The following PPP6R3 variants were observed in gnomAD, a reference collection of about 807,000 sequenced individuals.
PPP6R3 encodes serine/threonine-protein phosphatase 6 regulatory subunit 3.
In PPP6R3, 38 loss-of-function variants were observed where a neutral mutation model predicts 110.7. The observed-to-expected ratio is 0.34, with a 90% CI of 0.26 to 0.45. The LOEUF is 0.45. Among genes scored for constraint, PPP6R3 ranks in the 20% least tolerant of loss-of-function variants. The pLI, the probability that PPP6R3 is intolerant of heterozygous loss-of-function variation, is 1.00. For missense variants in PPP6R3, 870 were observed against 1,062.4 expected (o/e 0.82, Z 2.52); for synonymous variants, 369 against 373.5 (o/e 0.99, Z 0.14).
In PPP6R3 at chr11:68,600,506, T is replaced by G; in HGVS notation, c.2192+12T>G. On this transcript the variant is annotated intron_variant, in intron 20 of 23. Coordinates refer to ENST00000393800, the MANE Select transcript of PPP6R3 (RefSeq NM_001164161.2). ...ACGTCTTCCCTGAGGTGAGCGAACATGTGCTGTCTCTACACCCTTCCACGG... is the reference window on the plus strand; with the variant it reads ...ACGTCTTCCCTGAGGTGAGCGAACAGGTGCTGTCTCTACACCCTTCCACGG... The G allele has an allele frequency of 6.2e-7, 1 of 1,611,566 alleles. No individual in the cohort carries two copies. Among genetic ancestry groups the G allele is most frequent in the Non-Finnish European group, 8.5e-7 (1 of 1,179,138 alleles).
intron 17 of PPP6R3, among the ~76,000 whole-genome samples, chr11:68,591,238 AT>A (rs759118355): frequency 6.6e-6 from 1 of 152,186 alleles, no homozygotes; most frequent in Non-Finnish European, 1.5e-5. Flanking sequence ...GTAAAAGCAA[AT>A]AAGTACGGTT....
intron 8 of PPP6R3, among the ~76,000 whole-genome samples, chr11:68,561,056 C>T (rs1406199764): frequency 1.3e-5 from 2 of 152,026 alleles, no homozygotes; most frequent in Admixed American, 1.3e-4. Flanking sequence ...GCCACTACGC[C>T]CAGCTAACTT....
chr11:68,555,159 G>A (rs1161822158), intron 7 of PPP6R3, among the ~76,000 whole-genome samples: 1 of 152,176 alleles, frequency 6.6e-6, no homozygotes, highest in Non-Finnish European at 1.5e-5. Flanking sequence ...GTTCTCTGAA[G>A]TAGCAAAACT....
chr11:68,488,302 A>C (rs2098961270), intron 1 of PPP6R3, among the ~76,000 whole-genome samples: 1 of 152,056 alleles, frequency 6.6e-6, no homozygotes, highest in Non-Finnish European at 1.5e-5. Flanking sequence ...AGCTCAGTGT[A>C]ACCTCCAAGT....
intron 22 of PPP6R3, among the ~76,000 whole-genome samples, chr11:68,606,185 AAGTC>A (rs1479757293): frequency 1.3e-5 from 2 of 152,336 alleles, no homozygotes; most frequent in African/African-American, 2.4e-5. Flanking sequence ...GTTAGACAGA[AAGTC>A]AGTCATTTGA....
intron 1 of PPP6R3, among the ~76,000 whole-genome samples, chr11:68,485,933 G>A (rs1470049812): frequency 6.6e-6 from 1 of 151,788 alleles, no homozygotes; most frequent in East Asian, 1.9e-4. Flanking sequence ...ACTTTGGGAG[G>A]CCAAGGCAGA....
chr11:68,596,637 AG>A (rs2099614622), intron 19 of PPP6R3, among the ~76,000 whole-genome samples: 1 of 152,254 alleles, frequency 6.6e-6, no homozygotes, highest in East Asian at 1.9e-4. Flanking sequence ...CAAGCATTTC[AG>A]TGCGTTCTTC....
chr11:68,611,895 G>A (rs1943631523), intron 23 of PPP6R3, among the ~76,000 whole-genome samples: 1 of 152,212 alleles, frequency 6.6e-6, no homozygotes, highest in African/African-American at 2.4e-5. Context: ...TCCTTGGATT[G>A]GCAGGCGCGC....
At position 68,554,229 on chromosome 11, in the gene PPP6R3, C is replaced by T; in HGVS notation, c.703C>T (p.Pro235Ser). 1.2e-6 allele frequency: 2 copies of T among 1,612,960 alleles called. No homozygotes were observed. The highest frequency in any genetic ancestry group is 1.7e-6 in the Non-Finnish European group (2 of 1,179,404). Residue 235 changes from proline (P) to serine (S), a missense_variant, in exon 7 of 24, where the codon CCC becomes TCC. Coordinates refer to ENST00000393800, the MANE Select transcript of PPP6R3 (RefSeq NM_001164161.2). ...QMLQIQNSTE[P>S]DPLLATLEKQ... Reference sequence around the variant, plus strand: ...GTTACAAATTCAGAACAGTACAGAGCCCGACCCCCTGCTTGCCACTCTAGA... The same window carrying T: ...GTTACAAATTCAGAACAGTACAGAGTCCGACCCCCTGCTTGCCACTCTAGA...
At chr11:68,553,141 C>G (rs999316251) in intron 6 of PPP6R3, among the ~76,000 whole-genome samples, 1 of 152,264 alleles carries the variant, frequency 6.6e-6, no homozygotes, top group African/African-American at 2.4e-5. Context: ...GCACATTGCT[C>G]AGTCTTTGAG....
chr11:68,529,667 AG>A (rs1475844671), intron 2 of PPP6R3, among the ~76,000 whole-genome samples: 1 of 152,260 alleles, frequency 6.6e-6, no homozygotes. Context: ...TCTAGGTATT[AG>A]AGGCTACAAA....
At chr11:68,556,320 TTAAA>T (rs1253472476) in intron 7 of PPP6R3, among the ~76,000 whole-genome samples, 1 of 152,174 alleles carries the variant, frequency 6.6e-6, no homozygotes, top group African/African-American at 2.4e-5. Context: ...GACTGAAGTG[TTAAA>T]TAAAGAATGT....
intron 22 of PPP6R3, 163 bp from the exon 23 acceptor site, chr11:68,609,741 G>GT (rs1942389472): frequency 1.3e-6 from 2 of 1,555,908 alleles, no homozygotes; most frequent in East Asian, 2.2e-5. Flanking sequence ...CCCAGTCACT[G>GT]TCTGTGGTTG....
At chr11:68,462,169 C>G (rs2098712829) in intron 1 of PPP6R3, among the ~76,000 whole-genome samples, 1 of 152,110 alleles carries the variant, frequency 6.6e-6, no homozygotes, top group Non-Finnish European at 1.5e-5. Context: ...AGTGGTTAGG[C>G]TAGTTAATGG....
At chr11:68,605,712 G>A (rs1566175654) in intron 22 of PPP6R3, among the ~76,000 whole-genome samples, 3 of 152,136 alleles carry the variant, frequency 2.0e-5, no homozygotes. Flanking sequence ...CAGTAGCCAG[G>A]ATATTAGAAA....
chr11:68,525,302 T>C (rs556925347), intron 2 of PPP6R3, among the ~76,000 whole-genome samples: 3 of 152,356 alleles, frequency 2.0e-5, no homozygotes, highest in East Asian at 3.9e-4. Flanking sequence ...TTAAAAATTA[T>C]GTTTCCACCT....
intron 1 of PPP6R3, among the ~76,000 whole-genome samples, chr11:68,466,976 AGTG>A: frequency 6.7e-6 from 1 of 148,360 alleles, no homozygotes; most frequent in South Asian, 2.1e-4. Context: ...TCGATCTCTT[AGTG>A]AGCCGCCCGC....
Position 68,564,335 on chromosome 11 carries a change from G to A in PPP6R3, c.878G>A (p.Gly293Asp), listed in dbSNP as rs2099447094. ...FEGHIEICPPGMSHSACSVNK... is the reference protein window; with the variant it reads ...FEGHIEICPPDMSHSACSVNK... Reference sequence around the variant, plus strand: ...GGCCATATAGAGATCTGCCCACCAGGCATGAGCCATTCAGCTTGTTCAGTA... The same window carrying A: ...GGCCATATAGAGATCTGCCCACCAGACATGAGCCATTCAGCTTGTTCAGTA... Residue 293 changes from glycine to aspartate, a missense_variant, in exon 9 of 24, where the codon GGC (glycine) becomes GAC (aspartate). Coordinates refer to ENST00000393800, the MANE Select transcript of PPP6R3 (RefSeq NM_001164161.2). 1 of 1,612,794 alleles carries A rather than the reference G, an allele frequency of 6.2e-7. No individual in the cohort carries two copies. Among genetic ancestry groups the A allele is most frequent in the African/African-American group, 1.3e-5 (1 of 75,000 alleles).
chr11:68,596,173 A>C lies in PPP6R3; in HGVS notation c.1993A>C (p.Ser665Arg). The C allele has an allele frequency of 1.2e-6, 2 of 1,614,256 alleles. No individual in the cohort carries two copies. The highest frequency in any genetic ancestry group is 1.7e-6 in the Non-Finnish European group (2 of 1,180,036). Residue 665 changes from serine (S) to arginine (R), a missense_variant, in exon 19 of 24, where the codon AGC becomes CGC. By Grantham distance (110) the Ser-to-Arg change is moderately radical. Coordinates refer to ENST00000393800, the MANE Select transcript of PPP6R3 (RefSeq NM_001164161.2). ...AGCAAAGCAAGACTTGTTTGAACCC[A>C]GCAGTGCCAACACGGAGGATAAAAT... ...DGAKQDLFEP[S>R]SANTEDKMEV...
Sources: allele counts gnomAD v4.1 joint callset (sites outside exome capture counted in the v4.1 genomes callset), GRCh38; gene constraint gnomAD v4.1.1; transcripts MANE v1.5; gene names NCBI Gene and HGNC (gene_info 2026-07-23, HGNC 2026-07-21).